Variants in CCDC50 observed in about 807,000 individuals in gnomAD.
CCDC50 encodes the protein coiled-coil domain containing 50, also known as coiled-coil domain-containing protein 50.
A neutral mutation model predicts 70.2 loss-of-function variants in CCDC50; 54 were observed. The observed-to-expected ratio is 0.77, with a 90% confidence interval of 0.62 to 0.96. CCDC50 has a LOEUF of 0.96. Among genes scored for constraint, CCDC50 ranks in the 50% least tolerant of loss-of-function variants. CCDC50 has a pLI of 0.00. For synonymous variants in CCDC50, 216 were observed against 198.8 expected (o/e 1.09, Z -0.73); for missense variants, 558 against 578.7 (o/e 0.96, Z 0.37).
At chr3:191,338,686 T>C (rs1711605432) in intron 1 of CCDC50, among the ~76,000 whole-genome samples, 1 of 152,208 alleles carries the variant, frequency 6.6e-6, no homozygotes, top group South Asian at 2.1e-4. Flanking sequence ...GTTTCCCCAT[T>C]GAAGCTCCAT....
In CCDC50 at chr3:191,329,461, C is replaced by T. The variant is rs1343151384; in HGVS notation, c.-214C>T. 3 of 471,990 alleles carry T rather than the reference C, an allele frequency of 6.4e-6. No homozygotes were observed. Among genetic ancestry groups the T allele is most frequent in the Non-Finnish European group, 1.1e-5 (3 of 269,490 alleles). The allele number at this position is 471,990 out of a possible 1,614,324, so 29.2% of individuals were successfully genotyped here. A position where few individuals can be genotyped will look rare whatever the true frequency, so the allele number is the denominator to read the frequency against. On this transcript the variant is annotated 5_prime_UTR_variant, in exon 1 of 12. Coordinates refer to ENST00000392455, the MANE Select transcript of CCDC50 (RefSeq NM_178335.3). ...CGCGGAGCAGGTGGCCGCGGCGGGG[C>T]AGCTGGGCCGCCAGCTTGGTGCCTC...
rs1399858241 is a variant in CCDC50, at chr3:191,329,651, G to A, written c.-24G>A. ...GGTGACCGGGAAGCCCGCGTTAAAG[G>A]GGCAACCGGGACCCTGGCCCGGTAT... On this transcript the variant is annotated 5_prime_UTR_variant, in exon 1 of 12. Transcript: ENST00000392455. 1 of 1,604,156 alleles carries A rather than the reference G, an allele frequency of 6.2e-7. No individual in the cohort carries two copies. Among genetic ancestry groups the A allele is most frequent in the Non-Finnish European group, 8.5e-7 (1 of 1,176,286 alleles).
intron 5 of CCDC50, chr3:191,370,279 A>G (rs1298255867): frequency 7.8e-6 from 3 of 382,774 alleles, no homozygotes; most frequent in Non-Finnish European, 5.0e-6. Flanking sequence ...TTTGTTACAT[A>G]TAGATACATG....
intron 1 of CCDC50, among the ~76,000 whole-genome samples, chr3:191,352,650 T>C (rs114965003): frequency 0.041 from 5,900 of 142,390 alleles, 1,171 homozygotes; most frequent in Non-Finnish European, 0.061. Context: ...AGTGTAAACA[T>C]AACTTTTATA....
chr3:191,361,283 T>G, intron 4 of CCDC50, 124 bp downstream of exon 4: 1 of 718,574 alleles, frequency 1.4e-6, no homozygotes, highest in East Asian at 2.8e-5. Flanking sequence ...TGCCTCTTAT[T>G]TGGGCTGCAT....
chr3:191,370,211 G>A (rs535624373), intron 5 of CCDC50, 175 bp downstream of exon 5: 13 of 570,214 alleles, frequency 2.3e-5, no homozygotes, highest in South Asian at 2.1e-4. Context: ...TTCATGTTTT[G>A]TTTTGTTTTG....
intron 5 of CCDC50, among the ~76,000 whole-genome samples, chr3:191,371,867 G>A (rs1712924750): frequency 6.6e-6 from 1 of 152,134 alleles, no homozygotes; most frequent in Non-Finnish European, 1.5e-5. Flanking sequence ...AGATCAGAAA[G>A]CAAAGTGTTA....
At chr3:191,382,692 C>A in intron 9 of CCDC50, 54 bp from the exon 10 acceptor site, 2 of 1,127,878 alleles carry the variant, frequency 1.8e-6, no homozygotes, top group South Asian at 1.2e-5. Context: ...TTTGATGATT[C>A]TGGATTGTAT....
intron 1 of CCDC50, among the ~76,000 whole-genome samples, chr3:191,346,174 G>T (rs1576952159): frequency 6.6e-6 from 1 of 152,064 alleles, no homozygotes; most frequent in Non-Finnish European, 1.5e-5. Flanking sequence ...CAATAAAATT[G>T]CTACTACAAC....
intron 1 of CCDC50, among the ~76,000 whole-genome samples, chr3:191,349,011 G>T (rs74425156): frequency 0.1 from 14,542 of 141,512 alleles, 2,574 homozygotes; most frequent in East Asian, 0.24. Flanking sequence ...CATAATTGGG[G>T]TATTTGAGTG....
rs749835299 is a variant in CCDC50 at position 191,357,093 on chromosome 3, C to A, written c.55C>A (p.Arg19=). The A allele has an allele frequency of 1.2e-6, 2 of 1,610,190 alleles. No individual in the cohort carries two copies. Among genetic ancestry groups the A allele is most frequent in the Non-Finnish European group, 1.7e-6 (2 of 1,176,906 alleles). Residue 19 remains arginine, a synonymous_variant, in exon 2 of 12, where the codon CGA becomes AGA. Transcript: ENST00000392455. The part of the protein sequence containing the change: ...SKLPGVKEVC[R]DFAVLEDHTL... ...TTTTCCTCCATCTACTCTAGTATGC[C>A]GAGATTTTGCTGTCCTGGAGGACCA... is the stretch of plus-strand genomic sequence containing the variant.
At chr3:191,386,216 ATTTTTTTT>A (rs76983981) in intron 10 of CCDC50, among the ~76,000 whole-genome samples, 21,100 of 123,078 alleles carry the variant, frequency 0.17, 1,645 homozygotes, top group Non-Finnish European at 0.21. Flanking sequence ...TAGTATGGGC[ATTTTTTTT>A]TTTTTTTTTT....
At position 191,392,633 on chromosome 3, in the gene CCDC50, A is replaced by C. The variant is rs1713732865; in HGVS notation, c.*873A>C. 1 of 152,230 alleles carries C rather than the reference A, an allele frequency of 6.6e-6. No individual in the cohort carries two copies. The highest frequency in any genetic ancestry group is 2.4e-5 in the African/African-American group (1 of 41,458). 9.4% of individuals were successfully genotyped at this position (152,230 alleles called of 1,614,324 possible). On this transcript the variant is annotated 3_prime_UTR_variant, in exon 12 of 12. Transcript: ENST00000392455. ...CTTCAAGTCAGAGCAGTATTTGTTG[A>C]TAACCTCTCAATAATGTTTGGTTTA...
intron 4 of CCDC50, 121 bp from the exon 5 acceptor site, chr3:191,369,798 A>G: frequency 1.3e-6 from 1 of 747,466 alleles, no homozygotes; most frequent in Admixed American, 1.8e-5. Flanking sequence ...TTAATGCCAG[A>G]AAGTCTAGAG....
chr3:191,370,089 A>G (rs934246034), intron 5 of CCDC50, 53 bp downstream of exon 5: 1 of 1,274,026 alleles, frequency 7.8e-7, no homozygotes, highest in Non-Finnish European at 1.1e-6. Context: ...ACCATAAAAC[A>G]CTCCTTTAAT....
Position 191,353,849 on chromosome 3 carries a change from T to C in CCDC50, c.50-3239T>C, listed in dbSNP as rs772665805. 9.2e-5 allele frequency among the ~76,000 whole-genome samples: 9 copies of C among 98,350 alleles called. 3 individuals are homozygous for C. The highest frequency in any genetic ancestry group is 5.1e-5 in the Non-Finnish European group (2 of 38,982). The allele number at this position is 98,350 out of a possible 152,430, so 64.5% of individuals were successfully genotyped here. A position where few individuals can be genotyped will look rare whatever the true frequency, so the allele number is the denominator to read the frequency against. ...GTGTATGTGTTCATGTACTTCCTCA[T>C]AATCATTGAAAATCTTCCAGATCCC... On this transcript the variant is annotated intron_variant, in intron 1 of 11. Coordinates refer to ENST00000392455, the MANE Select transcript of CCDC50 (RefSeq NM_178335.3).
At chr3:191,350,465 A>G (rs1030056741) in intron 1 of CCDC50, among the ~76,000 whole-genome samples, 1 of 142,404 alleles carries the variant, frequency 7.0e-6, no homozygotes, top group Admixed American at 7.2e-5. Context: ...TTAATGTGGT[A>G]TTAATCCAGG....
intron 5 of CCDC50, among the ~76,000 whole-genome samples, chr3:191,373,476 G>C (rs1047829943): frequency 6.6e-6 from 1 of 152,004 alleles, no homozygotes; most frequent in East Asian, 1.9e-4. Context: ...TTTATTTTGA[G>C]CTGGAAGGTG....
rs374612716 is a variant in CCDC50 at position 191,357,991 on chromosome 3, G to T, written c.113-7G>T. The T allele has an allele frequency of 2.5e-6, 4 of 1,613,814 alleles. No homozygotes were observed. In the East Asian group the frequency reaches 8.9e-5, roughly 36 times the overall value. On this transcript the variant is annotated splice_polypyrimidine_tract_variant and splice_region_variant and intron_variant, in intron 2 of 11. Coordinates refer to ENST00000392455, the MANE Select transcript of CCDC50 (RefSeq NM_178335.3). ...ATTCATTCCTGTCCTCAATCTTTTT[G>T]TTCCAGTTGAGCATCATTTGGCATC...
Sources: gnomAD v4.1 joint callset for allele counts (sites outside exome capture counted in the v4.1 genomes callset) on GRCh38, gnomAD v4.1.1 for gene constraint, MANE v1.5 for transcripts, NCBI Gene and HGNC (gene_info 2026-07-23, HGNC 2026-07-21) for gene names.